The following TAF4B variants were observed in gnomAD, a reference collection of about 807,000 sequenced individuals.
TAF4B encodes transcription initiation factor TFIID subunit 4B.
Under a neutral mutation model 86.4 loss-of-function variants are expected in TAF4B, and 38 were observed. The observed-to-expected ratio is 0.44, with a 90% CI of 0.34 to 0.58. The LOEUF is 0.58. Among genes scored for constraint, TAF4B ranks in the 20% least tolerant of loss-of-function variants. The probability of loss-of-function intolerance (pLI) is 0.02; values close to 1 mark genes in which losing one functional copy is unlikely to be tolerated. For synonymous variants in TAF4B, 388 were observed against 391.2 expected (o/e 0.99, Z 0.10); for missense variants, 988 against 1,027.6 (o/e 0.96, Z 0.53).
intron 1 of TAF4B, chr18:26,256,109 C>T: frequency 6.5e-7 from 1 of 1,542,854 alleles, no homozygotes; most frequent in Non-Finnish European, 9.0e-7. Flanking sequence ...TAGACTGGGT[C>T]CAGCCCTTGC....
intron 1 of TAF4B, among the ~76,000 whole-genome samples, chr18:26,238,557 A>AT (rs1052467479): frequency 4.6e-5 from 7 of 151,550 alleles, no homozygotes; most frequent in Admixed American, 3.3e-4. Context: ...TTATTTATTT[A>AT]TTTTTTTATA....
chr18:26,368,211 T>A (rs551055378), intron 14 of TAF4B, among the ~76,000 whole-genome samples: 14 of 152,340 alleles, frequency 9.2e-5, no homozygotes, highest in Non-Finnish European at 1.8e-4. Flanking sequence ...GGTTGAATTC[T>A]TATGGATATT....
chr18:26,325,783 A>G (rs913026362), intron 11 of TAF4B, among the ~76,000 whole-genome samples: 3 of 152,208 alleles, frequency 2.0e-5, no homozygotes, highest in Admixed American at 1.3e-4. Context: ...TCCATATTCT[A>G]TCTTGTGTTA....
At chr18:26,387,070 G>T (rs943043293) in intron 14 of TAF4B, among the ~76,000 whole-genome samples, 1 of 152,004 alleles carries the variant, frequency 6.6e-6, no homozygotes, top group Non-Finnish European at 1.5e-5. Flanking sequence ...TATTGTAGTT[G>T]TTTTTTGTTT....
intron 6 of TAF4B, 109 bp downstream of exon 6, chr18:26,282,169 G>A (rs878935191): frequency 1.1e-6 from 1 of 889,962 alleles, no homozygotes; most frequent in Non-Finnish European, 1.8e-6. Flanking sequence ...GATACTGACA[G>A]TGTGGGAGAA....
chr18:26,346,811 A>G (rs1598816277), intron 13 of TAF4B, among the ~76,000 whole-genome samples: 1 of 29,988 alleles, frequency 3.3e-5, no homozygotes, highest in Non-Finnish European at 1.0e-4. Flanking sequence ...GTATATATAT[A>G]TATATGTGTG....
intron 1 of TAF4B, among the ~76,000 whole-genome samples, chr18:26,258,515 A>G (rs2056118380): frequency 1.3e-5 from 2 of 152,188 alleles, no homozygotes; most frequent in African/African-American, 2.4e-5. Flanking sequence ...TTTAAAAACC[A>G]GTTATGAAAG....
At chr18:26,387,877 C>G (rs750846708) in intron 14 of TAF4B, among the ~76,000 whole-genome samples, 1 of 152,096 alleles carries the variant, frequency 6.6e-6, no homozygotes, top group Non-Finnish European at 1.5e-5. Context: ...TTTATTTGTC[C>G]GTCAGATAAA....
intron 14 of TAF4B, among the ~76,000 whole-genome samples, chr18:26,381,551 AC>A (rs2057478759): frequency 6.6e-6 from 1 of 151,356 alleles, no homozygotes; most frequent in Non-Finnish European, 1.5e-5. Flanking sequence ...ACATGGAGAA[AC>A]CCCATCTCTA....
At chr18:26,349,554 A>T (rs913769672) in intron 13 of TAF4B, among the ~76,000 whole-genome samples, 1 of 152,212 alleles carries the variant, frequency 6.6e-6, no homozygotes, top group Non-Finnish European at 1.5e-5. Flanking sequence ...AAACTGAAGA[A>T]GATACAAGCA....
chr18:26,286,713 T>G lies in TAF4B; in HGVS notation c.1590+214T>G, dbSNP rs2056528830. Among the ~76,000 whole-genome samples, 3 of 152,122 alleles carry G rather than the reference T, an allele frequency of 2.0e-5. No individual in the cohort carries two copies. The South Asian group carries it at 6.2e-4, about 32-fold the overall frequency. On this transcript the variant is annotated intron_variant, in intron 7 of 14. Coordinates refer to ENST00000269142, the MANE Select transcript of TAF4B (RefSeq NM_005640.3). The stretch of plus-strand genomic sequence containing the variant: ...AAGTCCTTTTTTTAAAGACAGAGTC[T>G]TACTCTGTCGCCCAGGCTGGAGTGC...
chr18:26,380,835 G>A (rs2057473429), intron 14 of TAF4B, among the ~76,000 whole-genome samples: 1 of 151,452 alleles, frequency 6.6e-6, no homozygotes, highest in Non-Finnish European at 1.5e-5. Context: ...CACTTGGAGT[G>A]TTTGGTTCAA....
chr18:26,298,002 A>G (rs1598772817), intron 9 of TAF4B, among the ~76,000 whole-genome samples: 1 of 150,388 alleles, frequency 6.6e-6, no homozygotes, highest in East Asian at 2.0e-4. Flanking sequence ...CATCCTTGCT[A>G]ACAATTGATA....
At position 26,325,272 on chromosome 18, in the gene TAF4B, T is replaced by G. The variant is rs139382710; in HGVS notation, c.2134-1743T>G. On this transcript the variant is annotated intron_variant, in intron 11 of 14. Transcript: ENST00000269142. ...GTTGAAAGGTGCTATTTGGGTTGCT[T>G]TAGATGGGATTCATTTGATGGTGTT... Among the ~76,000 whole-genome samples, 17 of 152,284 alleles carry G rather than the reference T, an allele frequency of 1.1e-4. No individual in the cohort carries two copies. In the East Asian group the frequency reaches 3.3e-3, roughly 29 times the overall value.
chr18:26,333,610 C>T (rs772990720), intron 12 of TAF4B, among the ~76,000 whole-genome samples: 3 of 152,010 alleles, frequency 2.0e-5, no homozygotes, highest in African/African-American at 7.3e-5. Context: ...AGGCTGGTCT[C>T]GAACTTGAGC....
Position 26,286,314 on chromosome 18 carries a change from G to C in TAF4B, c.1405G>C (p.Val469Leu), listed in dbSNP as rs1439983096. Residue 469 changes from valine to leucine, a missense_variant, in exon 7 of 15, where the codon GTA becomes CTA. Transcript: ENST00000269142. ...AGCAGTAACACTGTCCCTTCCAGCA[G>C]TAACTTTTGGAGAAACTTCAGGTGC... ...GTAVTLSLPA[V>L]TFGETSGAAI... 1 of 1,614,262 alleles carries C rather than the reference G, an allele frequency of 6.2e-7. No homozygotes were observed. The highest frequency in any genetic ancestry group is 8.5e-7 in the Non-Finnish European group (1 of 1,180,044).
intron 1 of TAF4B, among the ~76,000 whole-genome samples, chr18:26,240,104 G>GT (rs1426415413): frequency 6.6e-6 from 1 of 152,190 alleles, no homozygotes; most frequent in Non-Finnish European, 1.5e-5. Context: ...CTTTAAAGTA[G>GT]TTTTTTCCAA....
Position 26,282,175 on chromosome 18 carries a change from G to T in TAF4B, c.972+115G>T, listed in dbSNP as rs190265336. On this transcript the variant is annotated intron_variant, in intron 6 of 14. Transcript: ENST00000269142. ...GAATGTGAAGATACTGACAGTGTGG[G>T]AGAAACCTCTGAGTGCTTTTGTAAG... is the stretch of plus-strand genomic sequence containing the variant. 1.2e-5 allele frequency: 10 copies of T among 840,124 alleles called. No homozygotes were observed. In the African/African-American group the frequency reaches 1.6e-4, roughly 13 times the overall value. 52.0% of individuals were successfully genotyped at this position (840,124 alleles called of 1,614,324 possible).
chr18:26,339,278 C>CA (rs1355557594), intron 13 of TAF4B, among the ~76,000 whole-genome samples: 1 of 152,118 alleles, frequency 6.6e-6, no homozygotes, highest in Non-Finnish European at 1.5e-5. Flanking sequence ...TAAGTACCTG[C>CA]ATTCTTTCAT....
Sources: gnomAD v4.1 joint callset for allele counts (sites outside exome capture counted in the v4.1 genomes callset) on GRCh38, gnomAD v4.1.1 for gene constraint, MANE v1.5 for transcripts, NCBI Gene and HGNC (gene_info 2026-07-23, HGNC 2026-07-21) for gene names.